The following GLT8D1 variants were observed in gnomAD, a reference collection of about 807,000 sequenced individuals.
The protein encoded by GLT8D1 is glycosyltransferase 8 domain containing 1.
GLT8D1 carries 41 observed loss-of-function variants against 46.2 expected under a neutral mutation model. The ratio of observed to expected loss-of-function variants is 0.89; its 90% CI spans 0.69 to 1.15. The LOEUF (loss-of-function observed/expected upper bound fraction) is 1.15. GLT8D1 is among the 50% of genes most tolerant of loss of function. The probability of loss-of-function intolerance (pLI) is 0.00; values close to 1 mark genes in which losing one functional copy is unlikely to be tolerated. For missense variants in GLT8D1, 408 were observed against 449.3 expected (o/e 0.91, Z 0.83); for synonymous variants, 150 against 154.2 (o/e 0.97, Z 0.20).
intron 3 of GLT8D1, among the ~76,000 whole-genome samples, chr3:52,698,752 T>TATGG (rs2097336594): frequency 1.3e-5 from 2 of 151,520 alleles, no homozygotes; most frequent in African/African-American, 4.9e-5. Flanking sequence ...AAACTGCAAT[T>TATGG]ACTGTCCTGT....
rs757235136 is a variant in GLT8D1 at position 52,696,530 on chromosome 3, C to T, written c.447+12G>A. Reference sequence around the variant, plus strand: ...ATACTGCCAAGTGCAAAGAAGGATGCATGGAACTCACAGGTTTCATGGATT... The same window carrying T: ...ATACTGCCAAGTGCAAAGAAGGATGTATGGAACTCACAGGTTTCATGGATT... On this transcript the variant is annotated intron_variant, in intron 5 of 9. Transcript: ENST00000266014. 2 of 1,311,896 alleles carry T rather than the reference C, an allele frequency of 1.5e-6. No individual in the cohort carries two copies. Among genetic ancestry groups the T allele is most frequent in the South Asian group, 1.2e-5 (1 of 84,774 alleles). 81.3% of individuals were successfully genotyped at this position (1,311,896 alleles called of 1,614,324 possible). A position where few individuals can be genotyped will look rare whatever the true frequency, so the allele number is the denominator to read the frequency against.
In GLT8D1 at chr3:52,694,907, G is replaced by A; in HGVS notation, c.1054C>T (p.Pro352Ser). Residue 352 changes from proline (P) to serine (S), a missense_variant, in exon 10 of 10, where the codon CCA (proline) becomes TCA (serine). Transcript: ENST00000266014. ...AGGTTGAATTTGCCTGTTGGGTCTG[G>A]AATATACCATTTTTCCCAAACATCA... ...YTDVWEKWYI[P>S]DPTGKFNLIR... is the part of the protein sequence containing the mutation. The A allele has an allele frequency of 6.2e-7, 1 of 1,611,340 alleles. No individual in the cohort carries two copies. The highest frequency in any genetic ancestry group is 1.7e-5 in the Admixed American group (1 of 60,006).
At chr3:52,697,381 C>T (rs537331649) in intron 4 of GLT8D1, 13 of 326,534 alleles carry the variant, frequency 4.0e-5, no homozygotes, top group South Asian at 2.6e-4. Flanking sequence ...AGAACTGCTC[C>T]GAGCATGTCC....
At position 52,694,787 on chromosome 3, in the gene GLT8D1, A is replaced by C; in HGVS notation, c.*58T>G. On this transcript the variant is annotated 3_prime_UTR_variant, in exon 10 of 10. Coordinates refer to ENST00000266014, the MANE Select transcript of GLT8D1 (RefSeq NM_018446.4). ...TGAAGCCTAGCAACTGTTACTTCCCACGCATGCTATCTTCCAGGACTTCCT... is the reference window on the plus strand; with the variant it reads ...TGAAGCCTAGCAACTGTTACTTCCCCCGCATGCTATCTTCCAGGACTTCCT... 8.4e-7 allele frequency: 1 copy of C among 1,189,708 alleles called. No homozygotes were observed. Among genetic ancestry groups the C allele is most frequent in the South Asian group, 1.2e-5 (1 of 82,270 alleles). 73.7% of individuals were successfully genotyped at this position (1,189,708 alleles called of 1,614,324 possible).
chr3:52,695,496 A>G lies in GLT8D1; in HGVS notation c.737T>C (p.Phe246Ser). 3.7e-6 allele frequency: 6 copies of G among 1,613,506 alleles called. No homozygotes were observed. The highest frequency in any genetic ancestry group is 5.1e-6 in the Non-Finnish European group (6 of 1,179,376). Residue 246 changes from phenylalanine to serine, a missense_variant, in exon 8 of 10, where the codon TTT becomes TCT. Coordinates refer to ENST00000266014, the MANE Select transcript of GLT8D1 (RefSeq NM_018446.4). ...ASTCSFNPGV[F>S]VANLTEWKRQ... The stretch of plus-strand genomic sequence containing the variant: ...TTTCCATTCCGTCAGGTTTGCAACA[A>G]AAACTCCAGGATTAAATGAGCAAGT...
In GLT8D1 at chr3:52,695,174, G is replaced by T; in HGVS notation, c.925+16C>A. 1.3e-6 allele frequency: 2 copies of T among 1,559,600 alleles called. No homozygotes were observed. Among genetic ancestry groups the T allele is most frequent in the South Asian group, 1.1e-5 (1 of 89,808 alleles). ...CAATTCTTTACTAGCTTATGCCACTGGTTAATTCTACTTACCAAGGTGGCG... is the reference window on the plus strand; with the variant it reads ...CAATTCTTTACTAGCTTATGCCACTTGTTAATTCTACTTACCAAGGTGGCG... On this transcript the variant is annotated intron_variant, in intron 9 of 9. Transcript: ENST00000266014.
chr3:52,699,287 C>T (rs1295477076), intron 3 of GLT8D1, among the ~76,000 whole-genome samples: 1 of 151,792 alleles, frequency 6.6e-6, no homozygotes, highest in East Asian at 1.9e-4. Flanking sequence ...ATACTGTTGT[C>T]TCTTTTTTTT....
chr3:52,695,400 C>G (rs767914099), intron 8 of GLT8D1, 21 bp downstream of exon 8: 20 of 1,607,478 alleles, frequency 1.2e-5, no homozygotes, highest in Non-Finnish European at 1.7e-5. Context: ...TTTTTCACAG[C>G]TAGGCCAGTT....
chr3:52,694,530 T>C lies in GLT8D1; in HGVS notation c.*315A>G. On this transcript the variant is annotated 3_prime_UTR_variant, in exon 10 of 10. Coordinates refer to ENST00000266014, the MANE Select transcript of GLT8D1 (RefSeq NM_018446.4). ...TTTATTTACAGATCAGGCCACAGGT[T>C]ACAAAATTAAAACCAACAGCAGTTT... 3.4e-6 allele frequency: 2 copies of C among 582,628 alleles called. No homozygotes were observed. The allele number at this position is 582,628 out of a possible 1,614,324, so 36.1% of individuals were successfully genotyped here.
intron 1 of GLT8D1, among the ~76,000 whole-genome samples, chr3:52,704,194 C>T (rs943557828): frequency 6.6e-6 from 1 of 151,934 alleles, no homozygotes; most frequent in African/African-American, 2.4e-5. Flanking sequence ...CGCGGTGGCT[C>T]ATGCCTGTAA....
chr3:52,696,014 C>T lies in GLT8D1; in HGVS notation c.559G>A (p.Ala187Thr), dbSNP rs1304896836. 6.2e-7 allele frequency: 1 copy of T among 1,608,660 alleles called. No individual in the cohort carries two copies. Among genetic ancestry groups the T allele is most frequent in the Non-Finnish European group, 8.5e-7 (1 of 1,174,958 alleles). Reference sequence around the variant, plus strand: ...GCAGCTGCATGTCCTGGCTTCAGTGCTGTATTGTAAAGGGCAAGAATATCA... The same window carrying T: ...GCAGCTGCATGTCCTGGCTTCAGTGTTGTATTGTAAAGGGCAAGAATATCA... ...QGDILALYNT[A>T]LKPGHAAAFS... Residue 187 changes from alanine (A) to threonine (T), a missense_variant, in exon 7 of 10, where the codon GCA becomes ACA. Coordinates refer to ENST00000266014, the MANE Select transcript of GLT8D1 (RefSeq NM_018446.4).
chr3:52,695,119 C>T, intron 9 of GLT8D1, 71 bp downstream of exon 9: 2 of 1,417,938 alleles, frequency 1.4e-6, no homozygotes, highest in Non-Finnish European at 2.0e-6. Context: ...AAAGAATATA[C>T]CCCATCCCTG....
At chr3:52,700,034 G>A (rs2097337926) in intron 3 of GLT8D1, among the ~76,000 whole-genome samples, 2 of 152,202 alleles carry the variant, frequency 1.3e-5, no homozygotes, top group Admixed American at 1.3e-4. Context: ...CAAGGACACT[G>A]GTATGCCCTC....
chr3:52,698,188 G>A (rs1356792613), intron 3 of GLT8D1, among the ~76,000 whole-genome samples: 3 of 152,162 alleles, frequency 2.0e-5, no homozygotes, highest in South Asian at 2.1e-4. Flanking sequence ...CTGTTAGAAT[G>A]TATTATGGCA....
At chr3:52,704,661 G>C (rs1256165481) in intron 1 of GLT8D1, 1 of 152,118 alleles carries the variant, frequency 6.6e-6, no homozygotes, top group Non-Finnish European at 1.5e-5. Flanking sequence ...GCATTTTACT[G>C]TTTGGTCTCT....
At chr3:52,695,618 C>T in intron 7 of GLT8D1, 31 bp from the exon 8 acceptor site, 2 of 1,282,260 alleles carry the variant, frequency 1.6e-6, no homozygotes, top group Non-Finnish European at 2.3e-6. Flanking sequence ...TATGTACTTA[C>T]TGCTTCAAAC....
In GLT8D1 at chr3:52,697,873, T is replaced by G; in HGVS notation, c.177A>C (p.Val59=). The change falls in exon 4 of 10, where the codon GTA becomes GTC. Residue 59 remains valine (V), a synonymous_variant. Coordinates refer to ENST00000266014, the MANE Select transcript of GLT8D1 (RefSeq NM_018446.4). ...DFVPNALRHA[V]DGRQEEIPVV... is the part of the protein sequence containing the mutation. Reference sequence around the variant, plus strand: ...CAGGAATCTCCTCTTGTCTCCCATCTACTGCATGTCGGAGAGCATTTGGGA... The same window carrying G: ...CAGGAATCTCCTCTTGTCTCCCATCGACTGCATGTCGGAGAGCATTTGGGA... The G allele has an allele frequency of 1.2e-6, 2 of 1,613,886 alleles. No individual in the cohort carries two copies. Among genetic ancestry groups the G allele is most frequent in the Non-Finnish European group, 8.5e-7 (1 of 1,179,734 alleles).
rs373858260 is a variant in GLT8D1, at chr3:52,697,852, A to C, written c.198T>G (p.Ile66Met). Residue 66 changes from isoleucine to methionine, a missense_variant, in exon 4 of 10, where the codon ATT (isoleucine) becomes ATG (methionine). Transcript: ENST00000266014. ...RHAVDGRQEE[I>M]PVVIAASEDR... is the part of the protein sequence containing the mutation. ...CTTCAGATGCAGCGATGACCACAGG[A>C]ATCTCCTCTTGTCTCCCATCTACTG... is the stretch of plus-strand genomic sequence containing the variant. 1 of 1,613,736 alleles carries C rather than the reference A, an allele frequency of 6.2e-7. No individual in the cohort carries two copies. The highest frequency in any genetic ancestry group is 1.1e-5 in the South Asian group (1 of 91,068).
At position 52,696,216 on chromosome 3, in the gene GLT8D1, T is replaced by C. The variant is rs72960225; in HGVS notation, c.532+18A>G. ...CAATCTGGGTGGAGAACAGCACTCA[T>C]GGTGACATTTTTGATACCTTGCACA... On this transcript the variant is annotated intron_variant, in intron 6 of 9. Transcript: ENST00000266014. The C allele has an allele frequency of 1.6e-3, 2,422 of 1,524,564 alleles. 41 individuals are homozygous for C. In the African/African-American group the frequency reaches 0.029, roughly 18 times the overall value. The allele number at this position is 1,524,564 out of a possible 1,614,324, so 94.4% of individuals were successfully genotyped here.
Sources: allele counts gnomAD v4.1 joint callset (sites outside exome capture counted in the v4.1 genomes callset), GRCh38; gene constraint gnomAD v4.1.1; transcripts MANE v1.5; gene names NCBI Gene and HGNC (gene_info 2026-07-23, HGNC 2026-07-21).